CSMD3: variants seen among roughly 807,000 people sequenced by gnomAD.
CSMD3 encodes the protein CUB and sushi domain-containing protein 3.
Under a neutral mutation model 435.2 loss-of-function variants are expected in CSMD3, and 177 were observed. The ratio of observed to expected loss-of-function variants is 0.41; its 90% CI spans 0.36 to 0.46. CSMD3 has a LOEUF of 0.46. CSMD3 is among the 20% of genes least tolerant of loss of function. The pLI is 0.34. For missense variants in CSMD3, 4,265 were observed against 4,504.6 expected (o/e 0.95, Z 1.52); for synonymous variants, 1,656 against 1,520.5 (o/e 1.09, Z -2.07).
At chr8:113,333,953 G>A (rs894298763) in intron 1 of CSMD3, among the ~76,000 whole-genome samples, 1 of 151,736 alleles carries the variant, frequency 6.6e-6, no homozygotes, top group African/African-American at 2.4e-5. Context: ...TCTTCTACTA[G>A]CTTTGTATAG....
Position 113,019,064 on chromosome 8 carries a change from T to C in CSMD3, c.1030+3A>G. The C allele has an allele frequency of 6.4e-7, 1 of 1,566,030 alleles. No individual in the cohort carries two copies. Among genetic ancestry groups the C allele is most frequent in the Non-Finnish European group, 8.8e-7 (1 of 1,136,106 alleles). On this transcript the variant is annotated splice_donor_region_variant and intron_variant, in intron 6 of 70. Coordinates refer to ENST00000297405, the MANE Select transcript of CSMD3 (RefSeq NM_198123.2). The stretch of plus-strand genomic sequence containing the variant: ...AAGAGGCAAAGGTATTCCATAAGTA[T>C]ACCTTGATAGGGAGCACTAAATCCA...
chr8:112,402,129 T>C (rs778072252), intron 35 of CSMD3, among the ~76,000 whole-genome samples: 3 of 152,246 alleles, frequency 2.0e-5, no homozygotes, highest in Non-Finnish European at 2.9e-5. Flanking sequence ...TTAGCCATAA[T>C]GAACCTATGA....
intron 5 of CSMD3, among the ~76,000 whole-genome samples, chr8:113,035,437 A>C (rs912937626): frequency 4.6e-5 from 7 of 152,040 alleles, no homozygotes; most frequent in Non-Finnish European, 8.8e-5. Context: ...CATTCTGAAC[A>C]AAGACAAGAC....
chr8:112,280,593 G>A (rs1049333060), intron 59 of CSMD3, among the ~76,000 whole-genome samples: 31 of 145,264 alleles, frequency 2.1e-4, no homozygotes, highest in South Asian at 2.3e-4. Flanking sequence ...ATTATTGTTG[G>A]TTAAATACTA....
chr8:113,276,443 A>G (rs1222350093), intron 3 of CSMD3, among the ~76,000 whole-genome samples: 1 of 152,078 alleles, frequency 6.6e-6, no homozygotes, highest in Non-Finnish European at 1.5e-5. Flanking sequence ...CTAAGGTATG[A>G]GGCCTCTACG....
chr8:112,455,497 C>A (rs1816738322), intron 32 of CSMD3, among the ~76,000 whole-genome samples: 1 of 151,974 alleles, frequency 6.6e-6, no homozygotes, highest in Admixed American at 6.6e-5. Flanking sequence ...ATTTGTACCC[C>A]AAGCCTCAGT....
At chr8:112,739,295 C>T (rs191164557) in intron 13 of CSMD3, among the ~76,000 whole-genome samples, 3 of 151,762 alleles carry the variant, frequency 2.0e-5, no homozygotes, top group Admixed American at 6.6e-5. Flanking sequence ...TAATTTTCTG[C>T]AGTTTCCTAT....
At chr8:112,893,119 C>A (rs575899078) in intron 10 of CSMD3, among the ~76,000 whole-genome samples, 1 of 150,762 alleles carries the variant, frequency 6.6e-6, no homozygotes, top group African/African-American at 2.4e-5. Context: ...ACTACTACAA[C>A]TACTACTACT....
intron 38 of CSMD3, among the ~76,000 whole-genome samples, chr8:112,365,468 CTTTTTTTTT>C (rs546920182): frequency 6.2e-5 from 7 of 112,654 alleles, no homozygotes; most frequent in South Asian, 3.2e-4. Flanking sequence ...CATAGATTTC[CTTTTTTTTT>C]TTTTTTTTTT....
chr8:112,284,238 T>G (rs887034017), intron 58 of CSMD3, among the ~76,000 whole-genome samples: 1 of 151,874 alleles, frequency 6.6e-6, no homozygotes, highest in African/African-American at 2.4e-5. Flanking sequence ...ATTTCTCTAT[T>G]GATTAAATGA....
chr8:112,268,116 C>G (rs1463775247), intron 59 of CSMD3, among the ~76,000 whole-genome samples: 3 of 152,130 alleles, frequency 2.0e-5, no homozygotes, highest in Admixed American at 1.3e-4. Context: ...CACCAATAAA[C>G]TCCATAAAGG....
intron 20 of CSMD3, among the ~76,000 whole-genome samples, chr8:112,640,955 T>C (rs2074807401): frequency 6.6e-6 from 1 of 152,200 alleles, no homozygotes; most frequent in African/African-American, 2.4e-5. Flanking sequence ...ATACATAGAA[T>C]GAATTATTTT....
chr8:113,107,623 G>A (rs1233018902), intron 4 of CSMD3, among the ~76,000 whole-genome samples: 1 of 152,162 alleles, frequency 6.6e-6, no homozygotes, highest in Admixed American at 6.5e-5. Context: ...TGATAGGGAG[G>A]GCTGACTGTA....
At chr8:112,577,569 T>C (rs1163065099) in intron 23 of CSMD3, among the ~76,000 whole-genome samples, 1 of 152,076 alleles carries the variant, frequency 6.6e-6, no homozygotes, top group Non-Finnish European at 1.5e-5. Flanking sequence ...AGGATTAATA[T>C]CATGAAAGTT....
At chr8:112,818,496 C>G (rs984755586) in intron 12 of CSMD3, among the ~76,000 whole-genome samples, 7 of 152,086 alleles carry the variant, frequency 4.6e-5, no homozygotes, top group Non-Finnish European at 7.4e-5. Flanking sequence ...AATTCACAGA[C>G]AAGTAAAGAG....
intron 1 of CSMD3, among the ~76,000 whole-genome samples, chr8:113,357,848 G>A (rs2094242862): frequency 6.6e-6 from 1 of 152,112 alleles, no homozygotes; most frequent in Admixed American, 6.6e-5. Context: ...ATGTGAAGAT[G>A]TGTTTGCTTT....
At chr8:112,972,223 A>C (rs112897210) in intron 7 of CSMD3, among the ~76,000 whole-genome samples, 1 of 151,946 alleles carries the variant, frequency 6.6e-6, no homozygotes, top group African/African-American at 2.4e-5. Context: ...TAAAACTGAA[A>C]GTTTAACTGG....
At chr8:112,689,746 C>A (rs2076090874) in intron 14 of CSMD3, 122 bp downstream of exon 14, 1 of 761,308 alleles carries the variant, frequency 1.3e-6, no homozygotes, top group Non-Finnish European at 2.2e-6. Flanking sequence ...GATAGCATCA[C>A]AAAGTGCTAC....
chr8:113,006,670 T>A (rs975636050), intron 6 of CSMD3, among the ~76,000 whole-genome samples: 2 of 152,016 alleles, frequency 1.3e-5, no homozygotes, highest in Admixed American at 1.3e-4. Context: ...GGGGCAATAA[T>A]GTGTAACCTG....
Sources: allele counts gnomAD v4.1 joint callset (sites outside exome capture counted in the v4.1 genomes callset), GRCh38; gene constraint gnomAD v4.1.1; transcripts MANE v1.5; gene names NCBI Gene and HGNC (gene_info 2026-07-23, HGNC 2026-07-21).